Variants in TRDMT1 observed in about 807,000 individuals in gnomAD.
The protein encoded by TRDMT1 is tRNA (cytosine(38)-C(5))-methyltransferase.
A neutral mutation model predicts 51.2 loss-of-function variants in TRDMT1; 49 were observed. The observed-to-expected ratio is 0.96, with a 90% CI of 0.76 to 1.21. The LOEUF is 1.21. Among genes scored for constraint, TRDMT1 ranks in the 50% most tolerant of loss-of-function variants. TRDMT1 has a pLI of 0.00. For synonymous variants in TRDMT1, 187 were observed against 164.6 expected (o/e 1.14, Z -1.04); for missense variants, 534 against 462.3 (o/e 1.16, Z -1.42).
At chr10:17,167,231 T>C (rs1564293676) in intron 3 of TRDMT1, among the ~76,000 whole-genome samples, 1 of 152,196 alleles carries the variant, frequency 6.6e-6, no homozygotes, top group Admixed American at 6.5e-5. Context: ...GAGAATTGTT[T>C]AAATAAATCC....
rs113738252 is a variant in TRDMT1, at chr10:17,157,546, G to A, written c.782C>T (p.Thr261Ile). 2 of 1,614,088 alleles carry A rather than the reference G, an allele frequency of 1.2e-6. No individual in the cohort carries two copies. Among genetic ancestry groups the A allele is most frequent in the Admixed American group, 1.7e-5 (1 of 60,026 alleles). The change falls in exon 8 of 11, where the codon ACT becomes ATT. Residue 261 changes from threonine to isoleucine, a missense_variant. Physicochemically the swap from Thr to Ile is moderately conservative, Grantham distance 89. Coordinates refer to ENST00000377799, the MANE Select transcript of TRDMT1 (RefSeq NM_004412.7). ...TGGTAAAAGATACTGGTTCACGTCA[G>A]TGTCATCTTCAAGAAAATCTTTTAG... ...KMLKDFLEDD[T>I]DVNQYLLPPK... is the part of the protein sequence containing the mutation.
At chr10:17,161,692 T>A (rs973416933) in intron 4 of TRDMT1, 144 bp from the exon 5 acceptor site, 2 of 490,194 alleles carry the variant, frequency 4.1e-6, no homozygotes, top group Non-Finnish European at 6.8e-6. Context: ...GGAGACAACA[T>A]ATATTTTATT....
chr10:17,178,636 A>C (rs1425185808), intron 1 of TRDMT1, among the ~76,000 whole-genome samples: 1 of 148,274 alleles, frequency 6.7e-6, no homozygotes, highest in Admixed American at 6.9e-5. Context: ...AGATTGCACC[A>C]TTGCACTCCA....
chr10:17,140,297 G>C lies in TRDMT1; in HGVS notation c.*8743C>G, dbSNP rs995470325. On this transcript the variant is annotated 3_prime_UTR_variant, in exon 11 of 11. Coordinates refer to ENST00000377799, the MANE Select transcript of TRDMT1 (RefSeq NM_004412.7). Reference sequence around the variant, plus strand: ...TCTTGAACTCCTGACCTCATGGTCCGTTCACTTCGACCTCCCAAAGTGCTG... The same window carrying C: ...TCTTGAACTCCTGACCTCATGGTCCCTTCACTTCGACCTCCCAAAGTGCTG... 6.7e-6 allele frequency among the ~76,000 whole-genome samples: 1 copy of C among 149,452 alleles called. No homozygotes were observed. The highest frequency in any genetic ancestry group is 1.5e-5 in the Non-Finnish European group (1 of 67,672).
Position 17,148,160 on chromosome 10 carries a change from G to C in TRDMT1, c.*880C>G. On this transcript the variant is annotated 3_prime_UTR_variant, in exon 11 of 11. Transcript: ENST00000377799. ...GGAAGAGAGACAGAGAAAGTTAAAA[G>C]TCATAAAAGTTCATTGAGAGTGTAT... is the stretch of plus-strand genomic sequence containing the variant. 2.0e-6 allele frequency: 2 copies of C among 985,374 alleles called. No homozygotes were observed. Among genetic ancestry groups the C allele is most frequent in the Non-Finnish European group, 2.4e-6 (2 of 829,932 alleles). The allele number at this position is 985,374 out of a possible 1,614,324, so 61.0% of individuals were successfully genotyped here.
chr10:17,180,146 T>C (rs971739370), intron 1 of TRDMT1, among the ~76,000 whole-genome samples: 3 of 152,194 alleles, frequency 2.0e-5, no homozygotes, highest in Non-Finnish European at 4.4e-5. Context: ...AAATGCTCTT[T>C]TATGGCTATG....
At position 17,162,244 on chromosome 10, in the gene TRDMT1, G is replaced by T; in HGVS notation, c.252-7C>A. The T allele has an allele frequency of 1.3e-6, 2 of 1,482,554 alleles. No individual in the cohort carries two copies. Among genetic ancestry groups the T allele is most frequent in the South Asian group, 1.3e-5 (1 of 79,104 alleles). The allele number at this position is 1,482,554 out of a possible 1,614,324, so 91.8% of individuals were successfully genotyped here. Reference sequence around the variant, plus strand: ...ATCACCCTGCCGGCCAATCCTAAAGGGGTAAAAAAAAAAAAAAACAAAAAA... The same window carrying T: ...ATCACCCTGCCGGCCAATCCTAAAGTGGTAAAAAAAAAAAAAAACAAAAAA... On this transcript the variant is annotated splice_region_variant and splice_polypyrimidine_tract_variant and intron_variant, in intron 3 of 10. Transcript: ENST00000377799.
intron 1 of TRDMT1, among the ~76,000 whole-genome samples, chr10:17,197,215 C>A (rs983120781): frequency 6.6e-6 from 1 of 152,010 alleles, no homozygotes; most frequent in Non-Finnish European, 1.5e-5. Flanking sequence ...GCTAAATAAA[C>A]CTTCATCATT....
chr10:17,184,718 A>C (rs1000276916), intron 1 of TRDMT1, among the ~76,000 whole-genome samples: 1 of 152,184 alleles, frequency 6.6e-6, no homozygotes. Context: ...AGACCTATGC[A>C]CTTCAACTGC....
chr10:17,187,183 T>C (rs1844052693), intron 1 of TRDMT1, among the ~76,000 whole-genome samples: 1 of 152,186 alleles, frequency 6.6e-6, no homozygotes, highest in Non-Finnish European at 1.5e-5. Context: ...CACTCCATAG[T>C]TATGTACTGA....
intron 3 of TRDMT1, among the ~76,000 whole-genome samples, chr10:17,164,062 C>CA (rs1426078185): frequency 6.6e-6 from 1 of 151,874 alleles, no homozygotes; most frequent in Non-Finnish European, 1.5e-5. Context: ...AGAGACACAA[C>CA]AAAAAAAGAG....
At position 17,142,282 on chromosome 10, in the gene TRDMT1, C is replaced by T. The variant is rs1026253817; in HGVS notation, c.*6758G>A. The T allele has an allele frequency of 3.3e-5, 5 of 152,166 alleles. No individual in the cohort carries two copies. Among genetic ancestry groups the T allele is most frequent in the African/African-American group, 1.2e-4 (5 of 41,430 alleles). The allele number at this position is 152,166 out of a possible 1,614,324, so 9.4% of individuals were successfully genotyped here. ...TAATCTTTTATTTTTAGTAGGCAGTCACTCCATTTGTGTTTAGCATGCAAG... is the reference window on the plus strand; with the variant it reads ...TAATCTTTTATTTTTAGTAGGCAGTTACTCCATTTGTGTTTAGCATGCAAG... On this transcript the variant is annotated 3_prime_UTR_variant, in exon 11 of 11. Coordinates refer to ENST00000377799, the MANE Select transcript of TRDMT1 (RefSeq NM_004412.7).
chr10:17,162,571 G>C (rs1384292066), intron 3 of TRDMT1, among the ~76,000 whole-genome samples: 3 of 152,096 alleles, frequency 2.0e-5, no homozygotes, highest in Admixed American at 1.3e-4. Context: ...GGCCGAGCGT[G>C]GTGGCTCACA....
rs10627626 is a variant in TRDMT1 at position 17,180,539 on chromosome 10, C to CAAA, written c.65-5882_65-5880dup. 4.6e-3 allele frequency among the ~76,000 whole-genome samples: 483 copies of CAAA among 104,832 alleles called. 7 individuals carry two copies. Among genetic ancestry groups the CAAA allele is most frequent in the African/African-American group, 5.3e-3 (169 of 32,078 alleles). The allele number at this position is 104,832 out of a possible 152,430, so 68.8% of individuals were successfully genotyped here. A position where few individuals can be genotyped will look rare whatever the true frequency, so the allele number is the denominator to read the frequency against. ...TGGGCAAAAGAGCGGAACTCTGTCT[C>CAAA]AAAAAAAAAAAAAAAAAACTCTCTT... On this transcript the variant is annotated intron_variant, in intron 1 of 10. Transcript: ENST00000377799.
intron 9 of TRDMT1, among the ~76,000 whole-genome samples, chr10:17,154,351 A>T (rs1011791483): frequency 1.3e-5 from 2 of 152,180 alleles, no homozygotes; most frequent in African/African-American, 4.8e-5. Context: ...GGGCTCCAAT[A>T]TTAAGATGTT....
At chr10:17,167,614 A>G (rs1330874056) in intron 3 of TRDMT1, among the ~76,000 whole-genome samples, 1 of 152,222 alleles carries the variant, frequency 6.6e-6, no homozygotes, top group Non-Finnish European at 1.5e-5. Flanking sequence ...CCTGAAACAT[A>G]TAGCCAAATA....
At chr10:17,167,831 G>A (rs569831441) in intron 3 of TRDMT1, among the ~76,000 whole-genome samples, 1 of 152,230 alleles carries the variant, frequency 6.6e-6, no homozygotes, top group South Asian at 2.1e-4. Context: ...GTATTAGAAA[G>A]ATATTCTTGA....
chr10:17,177,508 C>T (rs1039094199), intron 1 of TRDMT1, among the ~76,000 whole-genome samples: 11 of 152,010 alleles, frequency 7.2e-5, no homozygotes, highest in African/African-American at 2.7e-4. Context: ...GGCTGAAAAA[C>T]ACAGTACAAA....
chr10:17,160,432 T>C, intron 5 of TRDMT1, 58 bp from the exon 6 acceptor site: 11 of 1,197,106 alleles, frequency 9.2e-6, no homozygotes, highest in Non-Finnish European at 1.2e-5. Flanking sequence ...CTTATTTAAA[T>C]AATGTACACA....
Sources: allele counts gnomAD v4.1 joint callset (sites outside exome capture counted in the v4.1 genomes callset), GRCh38; gene constraint gnomAD v4.1.1; transcripts MANE v1.5; gene names NCBI Gene and HGNC (gene_info 2026-07-23, HGNC 2026-07-21).